The following POLR1B variants were observed in gnomAD, a reference collection of about 807,000 sequenced individuals.
POLR1B encodes RNA polymerase I subunit B, also known as DNA-directed RNA polymerase I subunit RPA2.
A neutral mutation model predicts 105.8 loss-of-function variants in POLR1B; 30 were observed. The ratio of observed to expected loss-of-function variants is 0.28; its 90% CI spans 0.21 to 0.38. POLR1B has a LOEUF of 0.38. Among genes scored for constraint, POLR1B ranks in the 10% least tolerant of loss-of-function variants. The probability of loss-of-function intolerance (pLI) is 1.00; values close to 1 mark genes in which losing one functional copy is unlikely to be tolerated. For missense variants in POLR1B, 976 were observed against 1,435.8 expected (o/e 0.68, Z 5.17); for synonymous variants, 485 against 505.1 (o/e 0.96, Z 0.53).
At position 112,542,686 on chromosome 2, in the gene POLR1B, C is replaced by T; in HGVS notation, c.177+15C>T. Reference sequence around the variant, plus strand: ...TCGCGGTGCAGGTGAGCGCGGCGTCCGCCGGCGCCCTTGCCGCGGCGAGGC... The same window carrying T: ...TCGCGGTGCAGGTGAGCGCGGCGTCTGCCGGCGCCCTTGCCGCGGCGAGGC... On this transcript the variant is annotated intron_variant, in intron 1 of 14. Coordinates refer to ENST00000263331, the MANE Select transcript of POLR1B (RefSeq NM_019014.6). The T allele has an allele frequency of 1.2e-6, 2 of 1,610,108 alleles. No individual in the cohort carries two copies. Among genetic ancestry groups the T allele is most frequent in the African/African-American group, 1.3e-5 (1 of 74,908 alleles).
chr2:112,562,867 A>G (rs1193084925), intron 9 of POLR1B, among the ~76,000 whole-genome samples: 4 of 150,676 alleles, frequency 2.7e-5, no homozygotes, highest in Non-Finnish European at 1.5e-5. Context: ...CCGGGACCAC[A>G]GGCATGCACC....
intron 5 of POLR1B, among the ~76,000 whole-genome samples, 188 bp downstream of exon 5, chr2:112,551,190 G>A (rs973206683): frequency 1.3e-5 from 2 of 152,152 alleles, no homozygotes; most frequent in African/African-American, 4.8e-5. Context: ...TCTGCGGGTC[G>A]GGAGTTTGGG....
Position 112,547,058 on chromosome 2 carries a change from T to C in POLR1B, c.224T>C (p.Phe75Ser). ...GCTTTCAAAGATGAGCGTATCTCTT[T>C]TACTATTCTGGATGCTGTTATCAGT... ...EFAFKDERIS[F>S]TILDAVISPP... is the part of the protein sequence containing the mutation. Residue 75 changes from phenylalanine (F) to serine (S), a missense_variant, in exon 2 of 15, where the codon TTT becomes TCT. By Grantham distance (155) the Phe-to-Ser change is radical. Coordinates refer to ENST00000263331, the MANE Select transcript of POLR1B (RefSeq NM_019014.6). The C allele has an allele frequency of 6.2e-7, 1 of 1,614,210 alleles. No individual in the cohort carries two copies. The highest frequency in any genetic ancestry group is 8.5e-7 in the Non-Finnish European group (1 of 1,180,034).
intron 9 of POLR1B, 24 bp from the exon 10 acceptor site, chr2:112,564,342 T>A: frequency 6.2e-7 from 1 of 1,612,790 alleles, no homozygotes; most frequent in Non-Finnish European, 8.5e-7. Context: ...CTGATGTGAT[T>A]GTGCTGTTTG....
Position 112,577,334 on chromosome 2 carries a change from T to C in POLR1B, c.*1605T>C, listed in dbSNP as rs1269890683. On this transcript the variant is annotated 3_prime_UTR_variant, in exon 15 of 15. Transcript: ENST00000263331. Reference sequence around the variant, plus strand: ...CTAGGCAGGAGCAATCACTTGTGCCTGGGAGTTCTAGACTAGCCTGGGCGA... The same window carrying C: ...CTAGGCAGGAGCAATCACTTGTGCCCGGGAGTTCTAGACTAGCCTGGGCGA... Among the ~76,000 whole-genome samples, 1 of 152,196 alleles carries C rather than the reference T, an allele frequency of 6.6e-6. No homozygotes were observed. The highest frequency in any genetic ancestry group is 2.4e-5 in the African/African-American group (1 of 41,448).
At position 112,579,292 on chromosome 2, in the gene POLR1B, C is replaced by T. The variant is rs1467808707; in HGVS notation, c.*3563C>T. On this transcript the variant is annotated 3_prime_UTR_variant, in exon 15 of 15. Transcript: ENST00000263331. ...ACTACTATACAGGTTATTGTGTAAA[C>T]ATAAGTTTCATTTCCCTGGGACAAG... 6.3e-5 allele frequency among the ~76,000 whole-genome samples: 8 copies of T among 126,642 alleles called. No homozygotes were observed. Among genetic ancestry groups the T allele is most frequent in the Admixed American group, 5.1e-4 (6 of 11,848 alleles). 83.1% of individuals were successfully genotyped at this position (126,642 alleles called of 152,430 possible).
intron 1 of POLR1B, among the ~76,000 whole-genome samples, chr2:112,544,885 G>T (rs1682952238): frequency 2.0e-5 from 3 of 151,924 alleles, no homozygotes; most frequent in Admixed American, 2.0e-4. Flanking sequence ...TATTACTTGG[G>T]GATTCCATAT....
At chr2:112,561,542 C>T (rs1036213778) in intron 9 of POLR1B, among the ~76,000 whole-genome samples, 2 of 152,008 alleles carry the variant, frequency 1.3e-5, no homozygotes, top group Admixed American at 6.6e-5. Context: ...GAATATTGAA[C>T]CATTGTGCCT....
chr2:112,560,744 T>C (rs1253353096), intron 9 of POLR1B, among the ~76,000 whole-genome samples: 1 of 152,076 alleles, frequency 6.6e-6, no homozygotes, highest in Non-Finnish European at 1.5e-5. Context: ...AAAGTTCTGC[T>C]TAAAAGTACT....
intron 9 of POLR1B, among the ~76,000 whole-genome samples, chr2:112,560,189 G>T (rs1174970558): frequency 1.3e-5 from 2 of 152,048 alleles, no homozygotes; most frequent in African/African-American, 2.4e-5. Flanking sequence ...GCAGTGAGCT[G>T]TGATTGTGCC....
In POLR1B at chr2:112,575,070, C is replaced by A; in HGVS notation, c.2749C>A (p.Pro917Thr). 6.2e-7 allele frequency: 1 copy of A among 1,614,138 alleles called. No individual in the cohort carries two copies. Among genetic ancestry groups the A allele is most frequent in the Non-Finnish European group, 8.5e-7 (1 of 1,180,036 alleles). Residue 917 changes from proline (P) to threonine (T), a missense_variant, in exon 15 of 15, where the codon CCC (proline) becomes ACC (threonine). Coordinates refer to ENST00000263331, the MANE Select transcript of POLR1B (RefSeq NM_019014.6). The surrounding 1 kb of genome is among the most constrained non-coding windows in gnomAD (Gnocchi z 5.3). ...SGMVPDILFN[P>T]HGFPSRMTIG... The stretch of plus-strand genomic sequence containing the variant: ...GATGGTCCCAGACATTCTGTTCAAT[C>A]CCCATGGTTTTCCATCCCGCATGAC...
At chr2:112,566,212 G>C (rs958826805) in intron 10 of POLR1B, among the ~76,000 whole-genome samples, 1 of 152,174 alleles carries the variant, frequency 6.6e-6, no homozygotes, top group Non-Finnish European at 1.5e-5. Context: ...ACGTTGGTTT[G>C]TCCTGTTACG....
intron 9 of POLR1B, among the ~76,000 whole-genome samples, chr2:112,561,536 A>T (rs940756628): frequency 6.6e-6 from 1 of 151,974 alleles, no homozygotes; most frequent in Non-Finnish European, 1.5e-5. Context: ...ACCAGTGAAT[A>T]TTGAACCATT....
chr2:112,554,294 G>A (rs377230303), intron 7 of POLR1B, among the ~76,000 whole-genome samples: 1 of 148,388 alleles, frequency 6.7e-6, no homozygotes, highest in Non-Finnish European at 1.5e-5. Flanking sequence ...CACCATGCCC[G>A]GCGAATTTTT....
At chr2:112,559,195 A>T (rs1018473580) in intron 8 of POLR1B, 98 bp from the exon 9 acceptor site, 1 of 1,329,260 alleles carries the variant, frequency 7.5e-7, no homozygotes, top group East Asian at 2.3e-5. Context: ...TCATTCTATG[A>T]TCTGTAGAGT....
Position 112,573,796 on chromosome 2 carries a change from A to T in POLR1B, c.2506A>T (p.Ser836Cys). 1 of 1,613,802 alleles carries T rather than the reference A, an allele frequency of 6.2e-7. No homozygotes were observed. The highest frequency in any genetic ancestry group is 8.5e-7 in the Non-Finnish European group (1 of 1,179,766). ...CTACCTCAACCTCAACACCGGGGAAAGTTTTGTGATGTACTATAAGTAAGT... is the reference window on the plus strand; with the variant it reads ...CTACCTCAACCTCAACACCGGGGAATGTTTTGTGATGTACTATAAGTAAGT... ...YSYLNLNTGE[S>C]FVMYYKSKEN... The change falls in exon 14 of 15, where the codon AGT becomes TGT. Residue 836 changes from serine (S) to cysteine (C), a missense_variant. By Grantham distance (112) the Ser-to-Cys change is moderately radical. Transcript: ENST00000263331.
At chr2:112,543,109 C>G (rs1340482105) in intron 1 of POLR1B, among the ~76,000 whole-genome samples, 1 of 152,168 alleles carries the variant, frequency 6.6e-6, no homozygotes, top group Non-Finnish European at 1.5e-5. Context: ...AAGAGAGAAA[C>G]TACTCGTCAT....
chr2:112,546,585 G>A (rs1683060276), intron 1 of POLR1B, among the ~76,000 whole-genome samples: 1 of 100,092 alleles, frequency 1.0e-5, no homozygotes, highest in Non-Finnish European at 1.8e-5. Context: ...TTTTTGAGAC[G>A]GAGTCTCGCT....
At position 112,559,561 on chromosome 2, in the gene POLR1B, A is replaced by G; in HGVS notation, c.1599A>G (p.Leu533=). 6.2e-7 allele frequency: 1 copy of G among 1,614,058 alleles called. No homozygotes were observed. Among genetic ancestry groups the G allele is most frequent in the Non-Finnish European group, 8.5e-7 (1 of 1,179,924 alleles). ...TGTATACGGCATCTATTCCAGCTTTACTGTGCAACTTGGGTATGTAGTGTA... is the reference window on the plus strand; with the variant it reads ...TGTATACGGCATCTATTCCAGCTTTGCTGTGCAACTTGGGTATGTAGTGTA... ...QFVYTASIPA[L]LCNLGVTPID... The change falls in exon 9 of 15, where the codon TTA becomes TTG. Residue 533 remains leucine, a synonymous_variant. Transcript: ENST00000263331.
Sources: allele counts gnomAD v4.1 joint callset (sites outside exome capture counted in the v4.1 genomes callset), GRCh38; gene constraint gnomAD v4.1.1; non-coding constraint Gnocchi (gnomAD v3.1); transcripts MANE v1.5; gene names NCBI Gene and HGNC (gene_info 2026-07-23, HGNC 2026-07-21).